Variants in ATP8B4 observed in about 807,000 individuals in gnomAD.
ATP8B4 encodes ATPase phospholipid transporting 8B4 (putative), also known as probable phospholipid-transporting ATPase IM.
In ATP8B4, 133 loss-of-function variants were observed where a neutral mutation model predicts 145.6. The ratio of observed to expected loss-of-function variants is 0.91; its 90% confidence interval spans 0.79 to 1.05. The LOEUF is 1.05. ATP8B4 is among the 50% of genes least tolerant of loss of function. ATP8B4 has a pLI of 0.00. For synonymous variants in ATP8B4, 507 were observed against 492.9 expected (o/e 1.03, Z -0.38); for missense variants, 1,458 against 1,425.2 (o/e 1.02, Z -0.37).
rs745719229 is a variant in ATP8B4 at position 49,917,057 on chromosome 15, C to T, written c.2036-18G>A. 6.2e-7 allele frequency: 1 copy of T among 1,608,270 alleles called. No individual in the cohort carries two copies. On this transcript the variant is annotated intron_variant, in intron 19 of 27. Transcript: ENST00000284509. The stretch of plus-strand genomic sequence containing the variant: ...GGCAGTTTCTAACACAAAATAAAGC[C>T]CAATTCAGTTAAAATGTTACTTAAT...
intron 1 of ATP8B4, among the ~76,000 whole-genome samples, chr15:50,115,966 TC>T (rs1459935276): frequency 6.6e-6 from 1 of 152,212 alleles, no homozygotes; most frequent in Non-Finnish European, 1.5e-5. Context: ...TTATCCTTGT[TC>T]CCTTTTGTCT....
At chr15:50,153,676 T>C (rs1431898313) in intron 1 of ATP8B4, among the ~76,000 whole-genome samples, 1 of 152,170 alleles carries the variant, frequency 6.6e-6, no homozygotes, top group Admixed American at 6.5e-5. Flanking sequence ...AAGGCAATGA[T>C]GCACGACCTA....
At chr15:50,116,515 CA>C (rs1004562699) in intron 1 of ATP8B4, among the ~76,000 whole-genome samples, 70 of 152,122 alleles carry the variant, frequency 4.6e-4, no homozygotes, top group African/African-American at 1.6e-3. Flanking sequence ...GCACTAAAGA[CA>C]AAAAGACAGA....
chr15:49,979,681 A>G lies in ATP8B4; in HGVS notation c.970T>C (p.Phe324Leu). 3 of 1,607,774 alleles carry G rather than the reference A, an allele frequency of 1.9e-6. No individual in the cohort carries two copies. The highest frequency in any genetic ancestry group is 3.3e-4 in the Middle Eastern group (2 of 6,024). ...ATAATATATGACCAGAATGTTAAGA[A>G]TCCGGAGAACACAGAGCTCTTCTCT... ...EGEKSSVFSGFLTFWSYIIIL... is the reference protein window; with the variant it reads ...EGEKSSVFSGLLTFWSYIIIL... Residue 324 changes from phenylalanine to leucine, a missense_variant, in exon 12 of 28, where the codon TTC becomes CTC. Phe to Leu is a conservative substitution (Grantham distance 22). Transcript: ENST00000284509.
intron 25 of ATP8B4, among the ~76,000 whole-genome samples, chr15:49,870,944 G>C (rs2033579691): frequency 6.6e-6 from 1 of 152,238 alleles, no homozygotes; most frequent in East Asian, 1.9e-4. Flanking sequence ...TTAGCCAAGG[G>C]TGATACTGGT....
intron 8 of ATP8B4, among the ~76,000 whole-genome samples, chr15:50,001,511 G>A (rs530274536): frequency 8.5e-5 from 13 of 152,248 alleles, no homozygotes; most frequent in Non-Finnish European, 1.9e-4. Flanking sequence ...TCTAAGCCTT[G>A]ATTTCATTGT....
intron 6 of ATP8B4, among the ~76,000 whole-genome samples, chr15:50,014,642 A>C (rs1392422473): frequency 2.6e-5 from 4 of 152,168 alleles, no homozygotes; most frequent in African/African-American, 9.7e-5. Flanking sequence ...ATTCCATGAA[A>C]TATTTGGGAC....
intron 6 of ATP8B4, among the ~76,000 whole-genome samples, chr15:50,028,703 G>C (rs1350424963): frequency 6.6e-6 from 1 of 152,056 alleles, no homozygotes; most frequent in African/African-American, 2.4e-5. Flanking sequence ...CATATAGTAG[G>C]TTGGTGCAAA....
chr15:49,885,860 C>T (rs2036125050), intron 23 of ATP8B4: 1 of 152,348 alleles, frequency 6.6e-6, no homozygotes, highest in Admixed American at 6.5e-5. Flanking sequence ...TGGAACTTTC[C>T]TCCTGTTGTC....
chr15:49,984,240 C>A lies in ATP8B4; in HGVS notation c.749-2946G>T, dbSNP rs75284160. Among the ~76,000 whole-genome samples the A allele has an allele frequency of 3.3e-5, 5 of 152,222 alleles. No homozygotes were observed. The East Asian group carries it at 9.6e-4, about 29-fold the overall frequency. On this transcript the variant is annotated intron_variant, in intron 10 of 27. Transcript: ENST00000284509. ...GTCAGAGCGAGAATTTGAACCTCGA[C>A]ATAAGTAATTCTAAAGTTCTTGGTC...
At chr15:49,962,101 T>C in intron 13 of ATP8B4, 81 bp from the exon 14 acceptor site, 1 of 1,065,760 alleles carries the variant, frequency 9.4e-7, no homozygotes, top group Non-Finnish European at 1.4e-6. Context: ...AATACACTTA[T>C]TATTTATTAC....
intron 23 of ATP8B4, chr15:49,895,627 G>A (rs909311596): frequency 6.6e-6 from 1 of 152,228 alleles, no homozygotes; most frequent in Non-Finnish European, 1.5e-5. Flanking sequence ...AGCTGCTCAT[G>A]TCTTTGGGGC....
intron 21 of ATP8B4, among the ~76,000 whole-genome samples, chr15:49,900,283 G>A (rs1036012360): frequency 1.4e-4 from 22 of 152,158 alleles, no homozygotes; most frequent in African/African-American, 3.9e-4. Flanking sequence ...ACAGCTGATC[G>A]CAAGGGAGAA....
chr15:50,149,922 A>G (rs2044325698), intron 1 of ATP8B4, among the ~76,000 whole-genome samples: 1 of 152,102 alleles, frequency 6.6e-6, no homozygotes, highest in South Asian at 2.1e-4. Context: ...CCAACATGGC[A>G]AAACGCTGTC....
chr15:50,051,849 A>G (rs2052210331), intron 3 of ATP8B4, among the ~76,000 whole-genome samples: 1 of 152,254 alleles, frequency 6.6e-6, no homozygotes, highest in Admixed American at 6.5e-5. Context: ...CATATAGGTA[A>G]AGAGCTAATT....
chr15:49,866,268 C>T, intron 26 of ATP8B4, 78 bp downstream of exon 26: 1 of 1,525,352 alleles, frequency 6.6e-7, no homozygotes, highest in Non-Finnish European at 8.9e-7. Context: ...CCCAGCTCTA[C>T]CTAACACAAA....
chr15:50,025,185 T>G (rs1235026279), intron 6 of ATP8B4, among the ~76,000 whole-genome samples: 1 of 152,208 alleles, frequency 6.6e-6, no homozygotes, highest in Non-Finnish European at 1.5e-5. Flanking sequence ...CAGACAAGTA[T>G]AGCAATAGGC....
At chr15:49,948,281 CAAAA>C (rs35575312) in intron 14 of ATP8B4, among the ~76,000 whole-genome samples, 2 of 112,294 alleles carry the variant, frequency 1.8e-5, no homozygotes, top group African/African-American at 6.6e-5. Context: ...ACTAAAAATA[CAAAA>C]AAAAAAAAAA....
chr15:49,867,865 G>C (rs559952160), intron 25 of ATP8B4, among the ~76,000 whole-genome samples: 1 of 152,242 alleles, frequency 6.6e-6, no homozygotes, highest in Admixed American at 6.5e-5. Context: ...CCAAAGAATA[G>C]TCAATGAATA....
Sources: gnomAD v4.1 joint callset for allele counts (sites outside exome capture counted in the v4.1 genomes callset) on GRCh38, gnomAD v4.1.1 for gene constraint, MANE v1.5 for transcripts, NCBI Gene and HGNC (gene_info 2026-07-23, HGNC 2026-07-21) for gene names.